The following CDH13 variants were observed in gnomAD, a reference collection of about 807,000 sequenced individuals.
CDH13 encodes cadherin 13, also known as cadherin-13.
Under a neutral mutation model 63.8 loss-of-function variants are expected in CDH13, and 24 were observed. That is an observed-to-expected ratio of 0.38 (90% CI 0.27 to 0.53). The LOEUF is 0.53. Among genes scored for constraint, CDH13 ranks in the 20% least tolerant of loss-of-function variants. CDH13 has a pLI of 0.85. For synonymous variants in CDH13, 503 were observed against 355.3 expected, an observed-to-expected ratio of 1.42 and a Z score of -4.67; for missense variants, 1,049 against 903.1, an observed-to-expected ratio of 1.16 and a Z score of -2.07.
intron 5 of CDH13, among the ~76,000 whole-genome samples, chr16:83,337,408 C>T (rs929517409): frequency 2.6e-5 from 4 of 151,990 alleles, no homozygotes; most frequent in Non-Finnish European, 5.9e-5. Flanking sequence ...CCCTTTTTTC[C>T]TCCCATTCTC....
intron 1 of CDH13, among the ~76,000 whole-genome samples, chr16:82,679,572 C>T (rs550405036): frequency 1.3e-5 from 2 of 152,304 alleles, no homozygotes; most frequent in South Asian, 2.1e-4. Context: ...TAATCTAGTA[C>T]ATATGAACTC....
At chr16:83,259,603 A>T (rs549407165) in intron 5 of CDH13, among the ~76,000 whole-genome samples, 2 of 152,230 alleles carry the variant, frequency 1.3e-5, no homozygotes, top group African/African-American at 4.8e-5. Flanking sequence ...AAAATCATTC[A>T]CTTAAGACAA....
chr16:83,414,092 A>G (rs912637844), intron 6 of CDH13, among the ~76,000 whole-genome samples: 7 of 152,212 alleles, frequency 4.6e-5, no homozygotes, highest in African/African-American at 1.7e-4. Context: ...GTACCTGCTT[A>G]CCAACCTGCT....
intron 4 of CDH13, 129 bp from the exon 5 acceptor site, chr16:83,217,216 A>C: frequency 1.2e-6 from 1 of 820,690 alleles, no homozygotes; most frequent in Non-Finnish European, 2.0e-6. Context: ...ACTTTAGTCA[A>C]ATCTGTGTTC....
At chr16:83,265,356 T>C (rs910819337) in intron 5 of CDH13, among the ~76,000 whole-genome samples, 1 of 152,206 alleles carries the variant, frequency 6.6e-6, no homozygotes, top group African/African-American at 2.4e-5. Context: ...TGAAAATCCT[T>C]TTTCTACTTT....
intron 7 of CDH13, among the ~76,000 whole-genome samples, chr16:83,585,923 T>A (rs577327318): frequency 6.7e-6 from 1 of 149,464 alleles, no homozygotes; most frequent in Non-Finnish European, 1.5e-5. Flanking sequence ...ACCCAAGAGG[T>A]TGGGTTTCTA....
At chr16:83,060,048 C>CTGGG (rs2031384711) in intron 3 of CDH13, among the ~76,000 whole-genome samples, 2 of 152,032 alleles carry the variant, frequency 1.3e-5, no homozygotes, top group Non-Finnish European at 2.9e-5. Context: ...CAAGCCTCGG[C>CTGGG]CTCCCAAATT....
chr16:83,204,267 A>T (rs962898413), intron 4 of CDH13, among the ~76,000 whole-genome samples: 8 of 152,208 alleles, frequency 5.3e-5, no homozygotes, highest in Non-Finnish European at 1.0e-4. Flanking sequence ...TTTGGTTCCA[A>T]TCCAAAATCT....
intron 1 of CDH13, among the ~76,000 whole-genome samples, chr16:82,647,123 G>A (rs1910187674): frequency 6.6e-6 from 1 of 152,206 alleles, no homozygotes; most frequent in Non-Finnish European, 1.5e-5. Context: ...GTGACCATGG[G>A]CAAGTTGCTT....
chr16:83,258,793 A>G (rs1906610627), intron 5 of CDH13, among the ~76,000 whole-genome samples: 1 of 152,230 alleles, frequency 6.6e-6, no homozygotes, highest in Admixed American at 6.5e-5. Flanking sequence ...AATGGCACAG[A>G]GCACATCGTG....
At chr16:83,344,074 C>G (rs1192705877) in intron 5 of CDH13, among the ~76,000 whole-genome samples, 1 of 152,140 alleles carries the variant, frequency 6.6e-6, no homozygotes, top group African/African-American at 2.4e-5. Flanking sequence ...CAAAATACTC[C>G]TATGCGGGGA....
intron 4 of CDH13, among the ~76,000 whole-genome samples, chr16:83,166,778 G>T (rs375129155): frequency 1.3e-5 from 2 of 152,120 alleles, no homozygotes; most frequent in Non-Finnish European, 2.9e-5. Context: ...AAAAATGCCC[G>T]TTGGGCATCA....
At chr16:82,742,705 C>T (rs2033987365) in intron 1 of CDH13, among the ~76,000 whole-genome samples, 1 of 152,108 alleles carries the variant, frequency 6.6e-6, no homozygotes, top group South Asian at 2.1e-4. Flanking sequence ...TGTATAATTT[C>T]CCTTTGCATA....
At chr16:83,771,014 A>G (rs78926817) in intron 11 of CDH13, among the ~76,000 whole-genome samples, 12,031 of 152,120 alleles carry the variant, frequency 0.079, 569 homozygotes, top group East Asian at 0.12. Context: ...CACCTTGGAC[A>G]TTTTCCTTAA....
chr16:83,188,501 G>A (rs1465168435), intron 4 of CDH13, among the ~76,000 whole-genome samples: 2 of 152,108 alleles, frequency 1.3e-5, no homozygotes, highest in African/African-American at 4.8e-5. Context: ...CAGCCTCGCT[G>A]CCCATCTCCC....
chr16:83,733,237 A>G (rs1449361175), intron 10 of CDH13, among the ~76,000 whole-genome samples: 3 of 152,194 alleles, frequency 2.0e-5, no homozygotes, highest in Non-Finnish European at 4.4e-5. Flanking sequence ...CCTTCACAGA[A>G]CAGCCAGCAG....
chr16:83,378,922 A>C (rs74035612), intron 6 of CDH13, among the ~76,000 whole-genome samples: 1 of 152,046 alleles, frequency 6.6e-6, no homozygotes, highest in Non-Finnish European at 1.5e-5. Context: ...CAGAAACTTA[A>C]GTGCATATTT....
chr16:83,287,508 C>G (rs1378119981), intron 5 of CDH13, among the ~76,000 whole-genome samples: 2 of 152,152 alleles, frequency 1.3e-5, no homozygotes, highest in Non-Finnish European at 2.9e-5. Flanking sequence ...GAGCATGAAC[C>G]TTATTGCAAA....
At chr16:82,666,485 G>C (rs1055891327) in intron 1 of CDH13, among the ~76,000 whole-genome samples, 1 of 152,176 alleles carries the variant, frequency 6.6e-6, no homozygotes, top group Non-Finnish European at 1.5e-5. Context: ...TGGGTACCTT[G>C]AGCTAACCTC....
Sources: gnomAD v4.1 joint callset for allele counts (sites outside exome capture counted in the v4.1 genomes callset) on GRCh38, gnomAD v4.1.1 for gene constraint, MANE v1.5 for transcripts, NCBI Gene and HGNC (gene_info 2026-07-23, HGNC 2026-07-21) for gene names.